The following RNF111 variants were observed in gnomAD, a reference collection of about 807,000 sequenced individuals.
RNF111 encodes the protein E3 ubiquitin-protein ligase Arkadia.
In RNF111, 17 loss-of-function variants were observed where a neutral mutation model predicts 95.1. The observed-to-expected ratio is 0.18, with a 90% CI of 0.12 to 0.27. The LOEUF (loss-of-function observed/expected upper bound fraction) is 0.27, where lower values mean the gene tolerates loss of function less well. Ranked by LOEUF, RNF111 falls within the 10% of genes least tolerant of loss-of-function variation. The probability of loss-of-function intolerance (pLI) is 1.00; values close to 1 mark genes in which losing one functional copy is unlikely to be tolerated. For synonymous variants in RNF111, 440 were observed against 414.8 expected (o/e 1.06, Z -0.74); for missense variants, 1,189 against 1,210.4 (o/e 0.98, Z 0.26).
intron 10 of RNF111, 143 bp downstream of exon 10, chr15:59,085,928 A>G: frequency 2.7e-6 from 2 of 739,688 alleles, no homozygotes; most frequent in South Asian, 3.9e-5. Flanking sequence ...TGCTATAAAA[A>G]GGTATTAGAT....
chr15:59,057,291 A>T (rs1445202033), intron 4 of RNF111, among the ~76,000 whole-genome samples: 1 of 152,190 alleles, frequency 6.6e-6, no homozygotes, highest in African/African-American at 2.4e-5. Flanking sequence ...TGGTTAAACT[A>T]TTTACAAATA....
chr15:59,055,803 C>A lies in RNF111; in HGVS notation c.1129C>A (p.Gln377Lys). ...RISTVIQPLR[Q>K]NAAEVVDLTV... ...TTCTACTGTTATACAGCCCTTGAGGCAGAATGCAGCAGAAGTTGTGGACCT... is the reference window on the plus strand; with the variant it reads ...TTCTACTGTTATACAGCCCTTGAGGAAGAATGCAGCAGAAGTTGTGGACCT... The change falls in exon 4 of 14, where the codon CAG becomes AAG. Residue 377 changes from glutamine (Q) to lysine (K), a missense_variant. Around this residue, in one of 2 missense-constraint regions of RNF111, gnomAD observed 1,024 missense variants for 925.9 expected, o/e 1.11. Coordinates refer to ENST00000348370, the MANE Select transcript of RNF111 (RefSeq NM_017610.8). The A allele has an allele frequency of 6.2e-7, 1 of 1,613,728 alleles. No homozygotes were observed. Among genetic ancestry groups the A allele is most frequent in the Non-Finnish European group, 8.5e-7 (1 of 1,179,838 alleles).
intron 2 of RNF111, among the ~76,000 whole-genome samples, chr15:59,035,007 G>A (rs143319413): frequency 1.1e-4 from 17 of 152,282 alleles, no homozygotes; most frequent in Non-Finnish European, 2.2e-4. Flanking sequence ...GTTCCACATG[G>A]CTGGGGAGGC....
chr15:59,010,745 T>G (rs1224503451), intron 1 of RNF111, among the ~76,000 whole-genome samples: 1 of 152,102 alleles, frequency 6.6e-6, no homozygotes, highest in Non-Finnish European at 1.5e-5. Flanking sequence ...AAGTTATAGT[T>G]CTCCCTGCTT....
chr15:59,072,414 G>GAT (rs1483786620), intron 6 of RNF111, among the ~76,000 whole-genome samples: 2 of 147,610 alleles, frequency 1.4e-5, no homozygotes, highest in African/African-American at 2.5e-5. Flanking sequence ...ATATTAAGTT[G>GAT]ATGTGATATT....
intron 10 of RNF111, among the ~76,000 whole-genome samples, chr15:59,087,762 A>G (rs1341104140): frequency 6.6e-6 from 1 of 152,228 alleles, no homozygotes; most frequent in Non-Finnish European, 1.5e-5. Context: ...GAAAATCTAC[A>G]TGTAAGCAGA....
At chr15:59,008,975 T>A (rs2039668125) in intron 1 of RNF111, among the ~76,000 whole-genome samples, 1 of 151,816 alleles carries the variant, frequency 6.6e-6, no homozygotes. Context: ...ATTTTATTTT[T>A]TTGAGACAGA....
chr15:58,994,033 AT>A (rs371453519), intron 1 of RNF111, among the ~76,000 whole-genome samples: 1,725 of 103,078 alleles, frequency 0.017, 17 homozygotes, highest in Middle Eastern at 0.028. Flanking sequence ...TGTTACTTAA[AT>A]TTTTTTTTTT....
chr15:59,010,556 CACACCTAA>C (rs1370226067), intron 1 of RNF111, among the ~76,000 whole-genome samples: 1 of 152,042 alleles, frequency 6.6e-6, no homozygotes, highest in Non-Finnish European at 1.5e-5. Context: ...TGCCCACCAC[CACACCTAA>C]CTAATTTTTA....
At chr15:59,085,563 C>A in intron 9 of RNF111, 96 bp from the exon 10 acceptor site, 1 of 1,065,624 alleles carries the variant, frequency 9.4e-7, no homozygotes, top group Non-Finnish European at 1.3e-6. Flanking sequence ...GTTAAGAAAC[C>A]TTAGATTACT....
chr15:59,019,049 G>T (rs1048069586), intron 1 of RNF111, among the ~76,000 whole-genome samples: 7 of 151,244 alleles, frequency 4.6e-5, no homozygotes, highest in Non-Finnish European at 8.8e-5. Context: ...TCAGCCACCC[G>T]TGTAGGTGAG....
chr15:59,044,377 G>T (rs1300746221), intron 2 of RNF111, among the ~76,000 whole-genome samples: 4 of 152,192 alleles, frequency 2.6e-5, no homozygotes, highest in Non-Finnish European at 5.9e-5. Flanking sequence ...TTAAGGCACA[G>T]AGAGACTAAG....
intron 1 of RNF111, among the ~76,000 whole-genome samples, chr15:58,996,780 G>T (rs1340651151): frequency 6.8e-6 from 1 of 146,764 alleles, no homozygotes; most frequent in Non-Finnish European, 1.5e-5. Flanking sequence ...CTTAATGTGT[G>T]TTTTTTCAAA....
intron 1 of RNF111, among the ~76,000 whole-genome samples, chr15:59,030,582 A>G (rs1301909256): frequency 6.6e-6 from 1 of 152,180 alleles, no homozygotes; most frequent in Non-Finnish European, 1.5e-5. Context: ...TATGCTCTAT[A>G]TCTACTGTAT....
intron 1 of RNF111, among the ~76,000 whole-genome samples, chr15:59,005,647 G>A (rs537630284): frequency 6.6e-6 from 1 of 152,222 alleles, no homozygotes; most frequent in South Asian, 2.1e-4. Context: ...TGAGGTGGGT[G>A]TAGCTAGAGG....
chr15:59,067,275 T>A (rs1166051008), intron 6 of RNF111, among the ~76,000 whole-genome samples, 192 bp downstream of exon 6: 1 of 149,822 alleles, frequency 6.7e-6, no homozygotes, highest in African/African-American at 2.5e-5. Context: ...CATTCTTCCT[T>A]CCTTTCCTCT....
intron 2 of RNF111, among the ~76,000 whole-genome samples, chr15:59,036,351 G>A (rs111440124): frequency 0.037 from 5,575 of 152,114 alleles, 179 homozygotes; most frequent in African/African-American, 0.086. Flanking sequence ...TTGAGCCACC[G>A]CACCCGGCCA....
intron 2 of RNF111, among the ~76,000 whole-genome samples, chr15:59,039,303 C>T (rs2041335046): frequency 6.6e-6 from 1 of 152,096 alleles, no homozygotes; most frequent in Non-Finnish European, 1.5e-5. Context: ...GGTTTATTAT[C>T]TGAGGTTCTT....
At chr15:59,007,726 C>T (rs2039606313) in intron 1 of RNF111, among the ~76,000 whole-genome samples, 1 of 152,028 alleles carries the variant, frequency 6.6e-6, no homozygotes. Context: ...TGGTATATTA[C>T]TATAGTTTTA....
Sources: allele counts gnomAD v4.1 joint callset (sites outside exome capture counted in the v4.1 genomes callset), GRCh38; gene constraint gnomAD v4.1.1; regional missense constraint gnomAD v4.1.1; transcripts MANE v1.5; gene names NCBI Gene and HGNC (gene_info 2026-07-23, HGNC 2026-07-21).